TGFA: variants seen among roughly 807,000 people sequenced by gnomAD.
TGFA encodes the protein protransforming growth factor alpha.
TGFA carries 12 observed loss-of-function variants against 21.7 expected under a neutral mutation model. The ratio of observed to expected loss-of-function variants is 0.55; its 90% CI spans 0.35 to 0.90. The LOEUF (loss-of-function observed/expected upper bound fraction) is 0.90, where lower values mean the gene tolerates loss of function less well. Ranked by LOEUF, TGFA falls within the 40% of genes least tolerant of loss-of-function variation. The pLI, the probability that TGFA is intolerant of heterozygous loss-of-function variation, is 0.01. For missense variants in TGFA, 178 were observed against 210.8 expected (o/e 0.84, Z 0.96); for synonymous variants, 79 against 88.1 (o/e 0.90, Z 0.58).
intron 5 of TGFA, chr2:70,451,730 T>G (rs569804829): frequency 2.9e-6 from 2 of 696,506 alleles, no homozygotes; most frequent in African/African-American, 3.5e-5. Context: ...AATATTTACC[T>G]TCATTAGCTC....
At position 70,511,532 on chromosome 2, in the gene TGFA, G is replaced by A. The variant is rs782342106; in HGVS notation, c.94+3327C>T. Among the ~76,000 whole-genome samples the A allele has an allele frequency of 5.3e-5, 8 of 152,154 alleles. No individual in the cohort carries two copies. In the South Asian group the frequency reaches 1.0e-3, roughly 20 times the overall value. The stretch of plus-strand genomic sequence containing the variant: ...CATGAAAGTAAATGCAAATTAAAAC[G>A]AAGTAGCACAAAATTAAATACAGCA... On this transcript the variant is annotated intron_variant, in intron 2 of 5. Transcript: ENST00000295400.
At chr2:70,457,235 G>C (rs554780260) in intron 3 of TGFA, among the ~76,000 whole-genome samples, 38 of 152,268 alleles carry the variant, frequency 2.5e-4, no homozygotes, top group African/African-American at 8.7e-4. Flanking sequence ...GATTCCAGTG[G>C]GCAGGGGAGG....
intron 2 of TGFA, among the ~76,000 whole-genome samples, chr2:70,474,738 G>A (rs931254237): frequency 3.0e-4 from 45 of 152,290 alleles, no homozygotes; most frequent in African/African-American, 1.1e-3. Flanking sequence ...CTCAGAGCAG[G>A]CCTAAGATGG....
intron 2 of TGFA, 118 bp from the exon 3 acceptor site, chr2:70,465,854 A>G (rs1553492144): frequency 7.0e-7 from 1 of 1,422,986 alleles, no homozygotes; most frequent in African/African-American, 1.4e-5. Context: ...TTGGGTTCTC[A>G]CCTGGGGCAC....
At chr2:70,491,829 C>T (rs548580117) in intron 2 of TGFA, among the ~76,000 whole-genome samples, 1 of 152,274 alleles carries the variant, frequency 6.6e-6, no homozygotes, top group African/African-American at 2.4e-5. Flanking sequence ...TACCCTCATC[C>T]CTTGGGAAGT....
intron 1 of TGFA, among the ~76,000 whole-genome samples, chr2:70,530,507 C>A (rs1295574728): frequency 6.6e-6 from 1 of 152,130 alleles, no homozygotes; most frequent in Non-Finnish European, 1.5e-5. Context: ...AATAAAATCA[C>A]AAAAAATCTT....
At chr2:70,518,115 C>A (rs1048174486) in intron 1 of TGFA, among the ~76,000 whole-genome samples, 5 of 152,238 alleles carry the variant, frequency 3.3e-5, no homozygotes, top group Non-Finnish European at 5.9e-5. Context: ...AGTGCACAGG[C>A]CTGGTGGCCC....
intron 2 of TGFA, among the ~76,000 whole-genome samples, chr2:70,468,005 C>A (rs1553492604): frequency 6.6e-6 from 1 of 152,178 alleles, no homozygotes; most frequent in East Asian, 1.9e-4. Context: ...CAGCGGGTCC[C>A]CCTGCCTCCT....
chr2:70,501,071 C>A (rs1160124807), intron 2 of TGFA, among the ~76,000 whole-genome samples: 2 of 151,766 alleles, frequency 1.3e-5, no homozygotes, highest in African/African-American at 4.8e-5. Context: ...AGTCTTCATC[C>A]ATTTTGAGTC....
chr2:70,473,685 G>GA (rs1670842245), intron 2 of TGFA, among the ~76,000 whole-genome samples: 1 of 151,714 alleles, frequency 6.6e-6, no homozygotes, highest in African/African-American at 2.4e-5. Flanking sequence ...TCTTAGAGGG[G>GA]GGTGTGTGGG....
intron 2 of TGFA, among the ~76,000 whole-genome samples, chr2:70,495,452 A>T: frequency 6.6e-6 from 1 of 152,202 alleles, no homozygotes; most frequent in African/African-American, 2.4e-5. Context: ...AATCTTGTGG[A>T]AAGAGTAACT....
chr2:70,493,052 T>C (rs536088431), intron 2 of TGFA, among the ~76,000 whole-genome samples: 1 of 152,376 alleles, frequency 6.6e-6, no homozygotes, highest in East Asian at 1.9e-4. Context: ...TTATCTTTCA[T>C]ATATTCAATC....
intron 2 of TGFA, among the ~76,000 whole-genome samples, chr2:70,506,453 G>A (rs1671930018): frequency 6.6e-6 from 1 of 152,170 alleles, no homozygotes; most frequent in Non-Finnish European, 1.5e-5. Context: ...AAGGGCCTAG[G>A]AATCTGCATT....
At chr2:70,544,752 TG>T (rs1301107204) in intron 1 of TGFA, among the ~76,000 whole-genome samples, 4 of 152,116 alleles carry the variant, frequency 2.6e-5, no homozygotes, top group Non-Finnish European at 5.9e-5. Flanking sequence ...ATTTAGCATA[TG>T]AAAATAAACC....
chr2:70,456,088 G>T (rs1553490451), intron 4 of TGFA, among the ~76,000 whole-genome samples: 1 of 152,214 alleles, frequency 6.6e-6, no homozygotes, highest in Non-Finnish European at 1.5e-5. Flanking sequence ...GCATGCCTTT[G>T]GTTCTGCACT....
chr2:70,509,789 TG>T (rs1437215101), intron 2 of TGFA, among the ~76,000 whole-genome samples: 1 of 152,182 alleles, frequency 6.6e-6, no homozygotes, highest in East Asian at 1.9e-4. Flanking sequence ...CATGGAAATA[TG>T]AGAACCAGAT....
intron 2 of TGFA, 27 bp from the exon 3 acceptor site, chr2:70,465,763 AGATCCAGGAACAGCT>A (rs1553492120): frequency 6.2e-7 from 1 of 1,612,524 alleles, no homozygotes; most frequent in Admixed American, 1.7e-5. Flanking sequence ...TGCAGGGCTC[AGATCCAGGAACAGCT>A]GACATGCAAA....
At chr2:70,553,645 A>G in intron 1 of TGFA, 83 bp downstream of exon 1, 1 of 1,300,174 alleles carries the variant, frequency 7.7e-7, no homozygotes. Flanking sequence ...GGGCGCAGAA[A>G]CCCCCGGAAA....
At chr2:70,510,323 C>T (rs1162365108) in intron 2 of TGFA, among the ~76,000 whole-genome samples, 2 of 152,204 alleles carry the variant, frequency 1.3e-5, no homozygotes, top group Non-Finnish European at 2.9e-5. Flanking sequence ...TACCACTTCC[C>T]TACCTTGGGC....
Sources: gnomAD v4.1 joint callset for allele counts (sites outside exome capture counted in the v4.1 genomes callset) on GRCh38, gnomAD v4.1.1 for gene constraint, MANE v1.5 for transcripts, NCBI Gene and HGNC (gene_info 2026-07-23, HGNC 2026-07-21) for gene names.